Variants in PRKACB observed in about 807,000 individuals in gnomAD.
PRKACB encodes protein kinase cAMP-activated catalytic subunit beta.
A neutral mutation model predicts 51.4 loss-of-function variants in PRKACB; 16 were observed. The observed-to-expected ratio is 0.31, with a 90% CI of 0.21 to 0.47. The LOEUF (loss-of-function observed/expected upper bound fraction) is 0.47. Ranked by LOEUF, PRKACB falls within the 20% of genes least tolerant of loss-of-function variation. The probability of loss-of-function intolerance (pLI) is 1.00; values close to 1 mark genes in which losing one functional copy is unlikely to be tolerated. For synonymous variants in PRKACB, 147 were observed against 154.4 expected (o/e 0.95, Z 0.35); for missense variants, 309 against 464.5 (o/e 0.67, Z 3.08).
intron 1 of PRKACB, chr1:84,164,742 G>C: frequency 7.3e-7 from 1 of 1,369,872 alleles, no homozygotes; most frequent in Non-Finnish European, 9.4e-7. Context: ...GGGATAACTA[G>C]CTTGAAAGAA....
At chr1:84,098,641 A>G (rs189069662) in intron 1 of PRKACB, among the ~76,000 whole-genome samples, 1 of 152,206 alleles carries the variant, frequency 6.6e-6, no homozygotes, top group East Asian at 1.9e-4. Context: ...AACAGTAAAT[A>G]TACTCTTGAG....
intron 4 of PRKACB, 84 bp from the exon 5 acceptor site, chr1:84,185,016 A>C (rs1664681179): frequency 1.6e-5 from 12 of 743,836 alleles, no homozygotes; most frequent in Non-Finnish European, 2.4e-5. Flanking sequence ...AGAGATTTTA[A>C]ATTTTTCTAA....
chr1:84,235,446 C>G lies in PRKACB; in HGVS notation c.*141C>G. On this transcript the variant is annotated 3_prime_UTR_variant, in exon 10 of 10. Transcript: ENST00000370685. ...TGAGTGAGGTCTTTATTGCCATCAT[C>G]CCGTGTGCGCACTCTGCATCCACCT... The G allele has an allele frequency of 9.3e-7, 1 of 1,075,368 alleles. No individual in the cohort carries two copies. Among genetic ancestry groups the G allele is most frequent in the Non-Finnish European group, 1.3e-6 (1 of 743,960 alleles). 66.6% of individuals were successfully genotyped at this position (1,075,368 alleles called of 1,614,324 possible). A position where few individuals can be genotyped will look rare whatever the true frequency, so the allele number is the denominator to read the frequency against.
At chr1:84,150,934 C>T (rs1365084472) in intron 1 of PRKACB, among the ~76,000 whole-genome samples, 2 of 152,090 alleles carry the variant, frequency 1.3e-5, no homozygotes, top group African/African-American at 4.8e-5. Flanking sequence ...CCTCCCTCCC[C>T]CTCAGCTTTA....
rs544499181 is a variant in PRKACB, at chr1:84,107,526, T to C, written c.46+29155T>C. Among the ~76,000 whole-genome samples the C allele has an allele frequency of 9.9e-5, 15 of 152,162 alleles. No homozygotes were observed. The East Asian group carries it at 2.5e-3, about 25-fold the overall frequency. ...AGCTTTTGCATAGCAAAAGAAACTATCAACAGAATAAACAAACAACCTACA... is the reference window on the plus strand; with the variant it reads ...AGCTTTTGCATAGCAAAAGAAACTACCAACAGAATAAACAAACAACCTACA... On this transcript the variant is annotated intron_variant, in intron 1 of 8. Transcript: ENST00000370688.
At chr1:84,109,577 G>A (rs537560818) in intron 1 of PRKACB, among the ~76,000 whole-genome samples, 4 of 151,864 alleles carry the variant, frequency 2.6e-5, no homozygotes, top group South Asian at 2.1e-4. Flanking sequence ...GTTTGTAGAC[G>A]TACTTTAAGT....
chr1:84,162,010 G>A (rs764910596), intron 1 of PRKACB, among the ~76,000 whole-genome samples: 3 of 152,026 alleles, frequency 2.0e-5, no homozygotes, highest in South Asian at 2.1e-4. Flanking sequence ...AATATCCTCC[G>A]TTGTTTCTCT....
intron 5 of PRKACB, among the ~76,000 whole-genome samples, chr1:84,194,759 C>T (rs1207907974): frequency 6.6e-6 from 1 of 151,366 alleles, no homozygotes; most frequent in African/African-American, 2.4e-5. Context: ...ACCAAACCCT[C>T]CACACACACA....
intron 1 of PRKACB, among the ~76,000 whole-genome samples, chr1:84,126,386 T>C (rs555166092): frequency 2.6e-5 from 4 of 152,300 alleles, no homozygotes; most frequent in African/African-American, 9.6e-5. Context: ...GGTCTTCTCC[T>C]GGAGTTCAGC....
chr1:84,180,261 A>G (rs1310375977), intron 2 of PRKACB, among the ~76,000 whole-genome samples: 1 of 144,516 alleles, frequency 6.9e-6, no homozygotes, highest in Non-Finnish European at 1.5e-5. Flanking sequence ...ACACATTTGC[A>G]GTGACCTAGA....
At chr1:84,137,254 A>T (rs1279022458) in intron 1 of PRKACB, among the ~76,000 whole-genome samples, 1 of 152,200 alleles carries the variant, frequency 6.6e-6, no homozygotes, top group East Asian at 1.9e-4. Flanking sequence ...GTAAAAAGAC[A>T]TGGATAAATT....
chr1:84,085,653 C>T (rs1647913247), intron 1 of PRKACB: 1 of 165,602 alleles, frequency 6.0e-6, no homozygotes, highest in Admixed American at 6.3e-5. Context: ...TTTTGATCTA[C>T]ATTTAAGGAA....
At chr1:84,169,573 A>G (rs773759364) in intron 1 of PRKACB, among the ~76,000 whole-genome samples, 2 of 151,670 alleles carry the variant, frequency 1.3e-5, no homozygotes, top group African/African-American at 2.4e-5. Flanking sequence ...AAATTATAAG[A>G]TGGAAAGTAT....
At chr1:84,221,300 C>G (rs1273448029) in intron 9 of PRKACB, among the ~76,000 whole-genome samples, 2 of 151,334 alleles carry the variant, frequency 1.3e-5, no homozygotes, top group East Asian at 3.9e-4. Context: ...AAATATTTTT[C>G]TTTTCTGATT....
intron 8 of PRKACB, among the ~76,000 whole-genome samples, chr1:84,212,339 G>GA (rs1158005901): frequency 4.1e-5 from 6 of 147,406 alleles, no homozygotes; most frequent in African/African-American, 1.6e-4. Flanking sequence ...ACCAGATTTT[G>GA]AAAAAATTTA....
intron 1 of PRKACB, among the ~76,000 whole-genome samples, chr1:84,112,988 G>C (rs1650354864): frequency 6.6e-6 from 1 of 152,134 alleles, no homozygotes; most frequent in Non-Finnish European, 1.5e-5. Flanking sequence ...CCAGAATAAA[G>C]AGCATTTTAT....
intron 1 of PRKACB, among the ~76,000 whole-genome samples, chr1:84,104,950 A>G (rs1235850261): frequency 2.0e-5 from 3 of 152,132 alleles, no homozygotes; most frequent in Non-Finnish European, 2.9e-5. Context: ...TTCTAGAGTA[A>G]TTATATAATT....
intron 9 of PRKACB, among the ~76,000 whole-genome samples, chr1:84,233,997 T>G (rs1676233017): frequency 6.6e-6 from 1 of 152,138 alleles, no homozygotes; most frequent in Non-Finnish European, 1.5e-5. Context: ...GCTCTGCTTT[T>G]TAGAGTTTCC....
chr1:84,104,738 C>G (rs996784583), intron 1 of PRKACB, among the ~76,000 whole-genome samples: 1 of 152,118 alleles, frequency 6.6e-6, no homozygotes, highest in Non-Finnish European at 1.5e-5. Flanking sequence ...TACCTGTGGC[C>G]ATTTGTATGT....
Sources: allele counts gnomAD v4.1 joint callset (sites outside exome capture counted in the v4.1 genomes callset), GRCh38; gene constraint gnomAD v4.1.1; transcripts MANE v1.5; gene names NCBI Gene and HGNC (gene_info 2026-07-23, HGNC 2026-07-21).